PGM1: variants seen among roughly 807,000 people sequenced by gnomAD.
The protein encoded by PGM1 is phosphoglucomutase-1.
In PGM1, 52 loss-of-function variants were observed where a neutral mutation model predicts 55.6. That is an observed-to-expected ratio of 0.94 (90% CI 0.75 to 1.18). The LOEUF is 1.18. Among genes scored for constraint, PGM1 ranks in the 50% most tolerant of loss-of-function variants. The probability of loss-of-function intolerance (pLI) is 0.00; values close to 1 mark genes in which losing one functional copy is unlikely to be tolerated. For synonymous variants in PGM1, 287 were observed against 271.7 expected, an observed-to-expected ratio of 1.06 and a Z score of -0.55; for missense variants, 724 against 729.3, an observed-to-expected ratio of 0.99 and a Z score of 0.08.
At chr1:63,634,539 G>A (rs1478803175) in intron 4 of PGM1, among the ~76,000 whole-genome samples, 1 of 152,154 alleles carries the variant, frequency 6.6e-6, no homozygotes, top group Non-Finnish European at 1.5e-5. Flanking sequence ...GGAAAGCACA[G>A]GTATACCGCA....
chr1:63,621,762 G>C (rs543605236), intron 1 of PGM1, among the ~76,000 whole-genome samples: 1 of 152,180 alleles, frequency 6.6e-6, no homozygotes, highest in African/African-American at 2.4e-5. Flanking sequence ...TTTGTGAATT[G>C]TGTTAATGTT....
Position 63,629,468 on chromosome 1 carries a change from C to G in PGM1, c.290C>G (p.Pro97Arg). 1 of 1,613,756 alleles carries G rather than the reference C, an allele frequency of 6.2e-7. No individual in the cohort carries two copies. Among genetic ancestry groups the G allele is most frequent in the Non-Finnish European group, 8.5e-7 (1 of 1,179,674 alleles). The change falls in exon 2 of 11, where the codon CCT becomes CGT. Residue 97 changes from proline (P) to arginine (R), a missense_variant. Physicochemically the swap from Pro to Arg is moderately radical, Grantham distance 103. Transcript: ENST00000371084. ...GGACAGAATGGAATCCTCTCCACCC[C>G]TGCTGTATCCTGCATCATTAGAAAA... ...VIGQNGILST[P>R]AVSCIIRKIK...
chr1:63,657,490 T>C (rs1479596549), intron 10 of PGM1, among the ~76,000 whole-genome samples: 1 of 152,260 alleles, frequency 6.6e-6, no homozygotes, highest in Non-Finnish European at 1.5e-5. Flanking sequence ...AGTCTAACTT[T>C]AAGTGTAACA....
At position 63,629,556 on chromosome 1, in the gene PGM1, T is replaced by C. The variant is rs1436107056; in HGVS notation, c.378T>C (p.Asp126=). The change falls in exon 2 of 11, where the codon GAT becomes GAC. Residue 126 remains aspartate (D), a synonymous_variant. Transcript: ENST00000371084. ...ASHNPGGPNG[D]FGIKFNISNG... is the part of the protein sequence containing the mutation. ...ACAACCCAGGGGGCCCCAATGGAGA[T>C]TTTGGAATCAAATTCAATATTTCTA... 6.2e-7 allele frequency: 1 copy of C among 1,613,850 alleles called. No homozygotes were observed. The highest frequency in any genetic ancestry group is 1.1e-5 in the South Asian group (1 of 91,080).
chr1:63,636,867 AGT>A (rs1372402592), intron 6 of PGM1, among the ~76,000 whole-genome samples: 13 of 152,340 alleles, frequency 8.5e-5, no homozygotes, highest in African/African-American at 2.9e-4. Context: ...GTGTGCACAG[AGT>A]GTGGGTGAAA....
intron 4 of PGM1, among the ~76,000 whole-genome samples, chr1:63,632,011 C>A (rs147056285): frequency 3.3e-5 from 5 of 152,318 alleles, no homozygotes; most frequent in African/African-American, 1.2e-4. Context: ...AGTGTTTCCA[C>A]CTTAAGCATC....
rs189677627 is a variant in PGM1, at chr1:63,640,118, T to G, written c.1144+1318T>G. Among the ~76,000 whole-genome samples the G allele has an allele frequency of 2.5e-3, 388 of 152,312 alleles. 6 individuals are homozygous for G. The highest frequency in any genetic ancestry group is 1.3e-3 in the Non-Finnish European group (89 of 68,026). ...ATACTACATGAGTGCCCAATGAGCC[T>G]ATGAGGTGGTCTTCTCCCATGAAAC... On this transcript the variant is annotated intron_variant, in intron 7 of 10. Transcript: ENST00000371084.
chr1:63,657,885 G>A (rs1650007483), intron 10 of PGM1, among the ~76,000 whole-genome samples: 1 of 152,208 alleles, frequency 6.6e-6, no homozygotes, highest in Non-Finnish European at 1.5e-5. Context: ...ACACTTAATA[G>A]CACAAGAGAA....
At chr1:63,609,832 C>A (rs530789403) in intron 1 of PGM1, among the ~76,000 whole-genome samples, 1 of 152,244 alleles carries the variant, frequency 6.6e-6, no homozygotes, top group Non-Finnish European at 1.5e-5. Flanking sequence ...TAACTTTAGG[C>A]TAAGGTAAGT....
intron 10 of PGM1, among the ~76,000 whole-genome samples, chr1:63,655,472 G>T (rs1195284496): frequency 6.6e-6 from 1 of 152,166 alleles, no homozygotes; most frequent in Admixed American, 6.5e-5. Context: ...GGTAAGCTGG[G>T]TTCCTCAGCC....
chr1:63,623,958 A>C (rs1648955439), intron 1 of PGM1, among the ~76,000 whole-genome samples: 1 of 152,178 alleles, frequency 6.6e-6, no homozygotes. Context: ...GGGATACAGG[A>C]ATGTTAAGTT....
chr1:63,656,821 G>GT (rs1649981380), intron 10 of PGM1, among the ~76,000 whole-genome samples: 1 of 152,142 alleles, frequency 6.6e-6, no homozygotes. Context: ...TTACTAGGGG[G>GT]TAGTGAATGG....
intron 1 of PGM1, among the ~76,000 whole-genome samples, chr1:63,608,974 T>C (rs776541395): frequency 6.6e-6 from 1 of 152,236 alleles, no homozygotes; most frequent in Non-Finnish European, 1.5e-5. Flanking sequence ...GAGAAGATTC[T>C]GATGATTCTA....
intron 4 of PGM1, among the ~76,000 whole-genome samples, chr1:63,633,932 ATTTTTTTTTTTT>A (rs60609353): frequency 5.7e-5 from 2 of 35,350 alleles, no homozygotes; most frequent in African/African-American, 1.6e-4. Context: ...ATATATATAT[ATTTTTTTTTTTT>A]TTTTTTTTTT....
At chr1:63,659,271 G>A (rs1455344910) in intron 10 of PGM1, among the ~76,000 whole-genome samples, 1 of 152,186 alleles carries the variant, frequency 6.6e-6, no homozygotes, top group Non-Finnish European at 1.5e-5. Context: ...GAGAGAAAAG[G>A]GGGCCATGGA....
chr1:63,625,989 GC>G (rs1221697458), intron 1 of PGM1, among the ~76,000 whole-genome samples: 2 of 152,144 alleles, frequency 1.3e-5, no homozygotes, highest in Non-Finnish European at 2.9e-5. Context: ...AAAATACCAA[GC>G]CCTGTTTTCA....
intron 1 of PGM1, among the ~76,000 whole-genome samples, chr1:63,627,066 C>T (rs899303883): frequency 1.3e-5 from 1 of 75,760 alleles, no homozygotes; most frequent in Non-Finnish European, 2.7e-5. Context: ...CCCCCCCCCC[C>T]ACACACACAC....
Position 63,651,743 on chromosome 1 carries a change from G to A in PGM1, c.1355G>A (p.Arg452His), listed in dbSNP as rs147763516. The A allele has an allele frequency of 3.6e-5, 58 of 1,613,780 alleles. No homozygotes were observed. Among genetic ancestry groups the A allele is most frequent in the Admixed American group, 2.0e-4 (12 of 60,022 alleles). ...MKDLEALMFD[R>H]SFVGKQFSAN... ...GACTTGGAGGCCCTGATGTTTGATC[G>A]CTCCTTTGTGGGGAAGCAGTTCTCA... The change falls in exon 9 of 11, where the codon CGC becomes CAC. Residue 452 changes from arginine to histidine, a missense_variant. Around this residue, in one of 3 missense-constraint regions of PGM1, gnomAD observed 316 missense variants for 313.1 expected, o/e 1.01. Transcript: ENST00000371084.
At chr1:63,608,104 G>T (rs1648471759) in intron 1 of PGM1, among the ~76,000 whole-genome samples, 1 of 151,552 alleles carries the variant, frequency 6.6e-6, no homozygotes, top group South Asian at 2.1e-4. Context: ...CAAGGTGATT[G>T]TTTTGAAAGA....
Sources: allele counts gnomAD v4.1 joint callset (sites outside exome capture counted in the v4.1 genomes callset), GRCh38; gene constraint gnomAD v4.1.1; regional missense constraint gnomAD v4.1.1; transcripts MANE v1.5; gene names NCBI Gene and HGNC (gene_info 2026-07-23, HGNC 2026-07-21).